NCKAP5: variants seen among roughly 807,000 people sequenced by gnomAD.
The protein encoded by NCKAP5 is nck-associated protein 5.
In NCKAP5, 92 loss-of-function variants were observed where a neutral mutation model predicts 167.0. The observed-to-expected ratio is 0.55, with a 90% CI of 0.47 to 0.66. The LOEUF is 0.66. NCKAP5 is among the 30% of genes least tolerant of loss of function. NCKAP5 has a pLI of 0.00. For missense variants in NCKAP5, 2,378 were observed against 2,315.0 expected, an observed-to-expected ratio of 1.03 and a Z score of -0.56; for synonymous variants, 891 against 877.4, an observed-to-expected ratio of 1.02 and a Z score of -0.27.
intron 8 of NCKAP5, among the ~76,000 whole-genome samples, chr2:132,954,931 C>T (rs557608315): frequency 6.6e-6 from 1 of 152,198 alleles, no homozygotes; most frequent in Non-Finnish European, 1.5e-5. Flanking sequence ...GTCTCAAATC[C>T]TAGCTTAGTG....
At chr2:133,153,078 A>G (rs550456421) in intron 5 of NCKAP5, among the ~76,000 whole-genome samples, 10 of 152,336 alleles carry the variant, frequency 6.6e-5, no homozygotes, top group Middle Eastern at 3.4e-3. Flanking sequence ...TGGCAAAGTT[A>G]AAACCATAGA....
At chr2:133,351,993 C>T (rs1684394660) in intron 3 of NCKAP5, among the ~76,000 whole-genome samples, 1 of 152,112 alleles carries the variant, frequency 6.6e-6, no homozygotes, top group African/African-American at 2.4e-5. Context: ...TTCCTCAAGC[C>T]CTTCCAAGGT....
rs1032648976 is a variant in NCKAP5 at position 132,672,140 on chromosome 2, T to G, written c.*1149A>C. 1 of 152,638 alleles carries G rather than the reference T, an allele frequency of 6.6e-6. No individual in the cohort carries two copies. Among genetic ancestry groups the G allele is most frequent in the African/African-American group, 2.4e-5 (1 of 41,466 alleles). 9.5% of individuals were successfully genotyped at this position (152,638 alleles called of 1,614,324 possible). On this transcript the variant is annotated 3_prime_UTR_variant, in exon 20 of 20. Transcript: ENST00000409261. ...GAAAAAAAAGGATATTAAAAAGAAT[T>G]CTTCGTAGCACCATTAATTTTATTT... is the stretch of plus-strand genomic sequence containing the variant.
At chr2:133,664,077 C>T in the NCKAP5 span, among the ~76,000 whole-genome samples, 2 of 152,210 alleles carry the variant, frequency 1.3e-5, no homozygotes, top group African/African-American at 4.8e-5. Flanking sequence ...ATGAAAGCAA[C>T]ATTAATCTCC....
At chr2:133,466,977 T>C (rs1467887053) in intron 3 of NCKAP5, among the ~76,000 whole-genome samples, 1 of 152,164 alleles carries the variant, frequency 6.6e-6, no homozygotes, top group Non-Finnish European at 1.5e-5. Flanking sequence ...TGACTTCCTC[T>C]TTTCCTAATT....
chr2:132,698,219 A>G (rs1420761564), intron 19 of NCKAP5, among the ~76,000 whole-genome samples: 1 of 152,316 alleles, frequency 6.6e-6, no homozygotes, highest in Non-Finnish European at 1.5e-5. Context: ...TTAGGACCCC[A>G]TCATGCACAG....
At chr2:133,418,733 CG>C (rs1559469666) in intron 3 of NCKAP5, among the ~76,000 whole-genome samples, 1 of 152,170 alleles carries the variant, frequency 6.6e-6, no homozygotes, top group Non-Finnish European at 1.5e-5. Flanking sequence ...CAATTGGAAA[CG>C]TTTCTCCATG....
intron 4 of NCKAP5, among the ~76,000 whole-genome samples, chr2:133,234,810 G>C (rs2150265917): frequency 6.6e-6 from 1 of 151,664 alleles, no homozygotes; most frequent in Admixed American, 6.6e-5. Flanking sequence ...TTTTCAGAAA[G>C]ATGAAAAATG....
chr2:133,206,241 T>A (rs1182845728), intron 5 of NCKAP5, among the ~76,000 whole-genome samples: 1 of 152,188 alleles, frequency 6.6e-6, no homozygotes, highest in Non-Finnish European at 1.5e-5. Flanking sequence ...TATAAACTAA[T>A]ATTACATTTT....
At chr2:133,416,036 G>A (rs1231260818) in intron 3 of NCKAP5, among the ~76,000 whole-genome samples, 1 of 152,198 alleles carries the variant, frequency 6.6e-6, no homozygotes, top group African/African-American at 2.4e-5. Flanking sequence ...TGTTCATTTA[G>A]TGATGTTTCT....
At chr2:133,049,170 C>T (rs147348298) in intron 6 of NCKAP5, among the ~76,000 whole-genome samples, 2 of 152,292 alleles carry the variant, frequency 1.3e-5, no homozygotes, top group African/African-American at 4.8e-5. Context: ...AATCACTGTA[C>T]TTGCTGCAAA....
intron 3 of NCKAP5, among the ~76,000 whole-genome samples, chr2:133,378,474 C>A (rs1686303515): frequency 6.6e-6 from 1 of 152,220 alleles, no homozygotes; most frequent in Non-Finnish European, 1.5e-5. Flanking sequence ...CACTTCTCAG[C>A]TTCTATCTGC....
intron 8 of NCKAP5, among the ~76,000 whole-genome samples, chr2:132,886,924 G>T (rs1385759607): frequency 6.6e-6 from 1 of 152,048 alleles, no homozygotes; most frequent in East Asian, 1.9e-4. Flanking sequence ...GCTGAACTGG[G>T]TAAATACATA....
intron 8 of NCKAP5, 137 bp from the exon 9 acceptor site, chr2:132,879,053 C>G: frequency 1.5e-6 from 1 of 689,452 alleles, no homozygotes; most frequent in Non-Finnish European, 2.6e-6. Flanking sequence ...CAAGTTCACT[C>G]TAAGTACTAT....
intron 8 of NCKAP5, among the ~76,000 whole-genome samples, chr2:132,891,555 ACT>A (rs781240633): frequency 6.6e-6 from 1 of 152,086 alleles, no homozygotes; most frequent in South Asian, 2.1e-4. Context: ...TACATCAGTG[ACT>A]CTCATTGGGA....
chr2:132,695,353 T>C (rs1388849098), intron 19 of NCKAP5, among the ~76,000 whole-genome samples: 1 of 152,172 alleles, frequency 6.6e-6, no homozygotes, highest in Admixed American at 6.5e-5. Flanking sequence ...ATCTCTGCCC[T>C]GGAAGGTCGG....
At chr2:132,891,533 G>T (rs768246262) in intron 8 of NCKAP5, among the ~76,000 whole-genome samples, 1 of 152,154 alleles carries the variant, frequency 6.6e-6, no homozygotes, top group Non-Finnish European at 1.5e-5. Context: ...TTATGAGTCT[G>T]CCTCTCTCTC....
intron 8 of NCKAP5, among the ~76,000 whole-genome samples, chr2:132,937,026 A>G (rs1696902383): frequency 6.6e-6 from 1 of 152,198 alleles, no homozygotes; most frequent in African/African-American, 2.4e-5. Flanking sequence ...AAGGTGTCCT[A>G]TTAAGCAAAG....
At chr2:133,415,158 G>A (rs1479836005) in intron 3 of NCKAP5, among the ~76,000 whole-genome samples, 5 of 152,192 alleles carry the variant, frequency 3.3e-5, no homozygotes, top group Non-Finnish European at 7.3e-5. Flanking sequence ...CACACTGGCC[G>A]AAATGGACTT....
Sources: gnomAD v4.1 joint callset for allele counts (sites outside exome capture counted in the v4.1 genomes callset) on GRCh38, gnomAD v4.1.1 for gene constraint, MANE v1.5 for transcripts, NCBI Gene and HGNC (gene_info 2026-07-23, HGNC 2026-07-21) for gene names.